Variants in CCDC97 observed in about 807,000 individuals in gnomAD.
The protein encoded by CCDC97 is coiled-coil domain containing 97, also known as coiled-coil domain-containing protein 97.
In CCDC97, 27 loss-of-function variants were observed where a neutral mutation model predicts 33.9. That is an observed-to-expected ratio of 0.80 (90% confidence interval 0.59 to 1.10). CCDC97 has a LOEUF of 1.10. Ranked by LOEUF, CCDC97 falls within the 50% of genes least tolerant of loss-of-function variation. The pLI is 0.00. For synonymous variants in CCDC97, 217 were observed against 194.0 expected (o/e 1.12, Z -0.99); for missense variants, 422 against 476.6 (o/e 0.89, Z 1.07).
chr19:41,311,720 G>A (rs2037687313), intron 1 of CCDC97, among the ~76,000 whole-genome samples: 1 of 151,412 alleles, frequency 6.6e-6, no homozygotes, highest in Non-Finnish European at 1.5e-5. Flanking sequence ...CTGGGTAACA[G>A]AGCAAAACTC....
At chr19:41,315,349 T>TA (rs373119265) in intron 1 of CCDC97, among the ~76,000 whole-genome samples, 16 of 144,818 alleles carry the variant, frequency 1.1e-4, no homozygotes, top group African/African-American at 3.9e-4. Context: ...CACACACCTG[T>TA]AATCCCAGCA....
At chr19:41,319,380 C>A (rs570101732) in intron 2 of CCDC97, among the ~76,000 whole-genome samples, 194 bp from the exon 3 acceptor site, 1 of 151,294 alleles carries the variant, frequency 6.6e-6, no homozygotes, top group Non-Finnish European at 1.5e-5. Flanking sequence ...TTCACACGCA[C>A]GCCTCAGGCG....
intron 1 of CCDC97, among the ~76,000 whole-genome samples, chr19:41,313,356 A>T (rs565889532): frequency 2.6e-5 from 4 of 151,990 alleles, no homozygotes; most frequent in Non-Finnish European, 4.4e-5. Flanking sequence ...CAGCAGTCGG[A>T]CCATTCCCCT....
At chr19:41,318,377 G>A (rs932375334) in intron 2 of CCDC97, among the ~76,000 whole-genome samples, 3 of 152,144 alleles carry the variant, frequency 2.0e-5, no homozygotes, top group Non-Finnish European at 2.9e-5. Flanking sequence ...ACTTGAACCC[G>A]GGAGGCGGAG....
chr19:41,316,117 C>T (rs1370719689), intron 1 of CCDC97, among the ~76,000 whole-genome samples: 1 of 152,090 alleles, frequency 6.6e-6, no homozygotes, highest in African/African-American at 2.4e-5. Flanking sequence ...ATTGCAGCCT[C>T]CTCCACCTCT....
chr19:41,310,858 C>T (rs979161166), intron 1 of CCDC97: 4 of 988,566 alleles, frequency 4.0e-6, no homozygotes, highest in Non-Finnish European at 4.8e-6. Context: ...CGAAATCCAG[C>T]CAGGCTCCTT....
chr19:41,316,895 G>A (rs780295107), intron 2 of CCDC97, 56 bp downstream of exon 2: 15 of 1,336,588 alleles, frequency 1.1e-5, no homozygotes, highest in Admixed American at 2.2e-5. Flanking sequence ...GGGAGACTGA[G>A]GCAGAGGGAA....
chr19:41,314,186 G>A (rs1188199252), intron 1 of CCDC97, among the ~76,000 whole-genome samples: 1 of 146,352 alleles, frequency 6.8e-6, no homozygotes, highest in Admixed American at 6.9e-5. Context: ...TGCTCTTGTT[G>A]CCCAGACTGG....
chr19:41,311,991 G>A (rs1385405843), intron 1 of CCDC97, among the ~76,000 whole-genome samples: 1 of 152,162 alleles, frequency 6.6e-6, no homozygotes, highest in African/African-American at 2.4e-5. Context: ...TCCTGCTCAC[G>A]ACTGTCTGAC....
chr19:41,317,531 T>C (rs949485650), intron 2 of CCDC97, among the ~76,000 whole-genome samples: 3 of 151,980 alleles, frequency 2.0e-5, no homozygotes, highest in South Asian at 2.1e-4. Context: ...AAGACCAGCC[T>C]GGGCAACATG....
chr19:41,315,462 C>A (rs1183141261), intron 1 of CCDC97, among the ~76,000 whole-genome samples: 2 of 151,706 alleles, frequency 1.3e-5, no homozygotes, highest in Non-Finnish European at 2.9e-5. Flanking sequence ...CAAAAATTAA[C>A]CAGGCATTTG....
At chr19:41,321,420 C>T (rs1276077996) in intron 4 of CCDC97, among the ~76,000 whole-genome samples, 1 of 152,226 alleles carries the variant, frequency 6.6e-6, no homozygotes, top group Admixed American at 6.5e-5. Context: ...CAGTGTGTTG[C>T]CTCGGGAGGG....
intron 1 of CCDC97, 138 bp downstream of exon 1, chr19:41,310,494 C>T (rs1481075136): frequency 1.3e-6 from 2 of 1,483,104 alleles, no homozygotes; most frequent in East Asian, 2.5e-5. Context: ...CTCTTCACTA[C>T]TTTGCCCAGA....
intron 2 of CCDC97, 98 bp downstream of exon 2, chr19:41,316,937 G>A (rs1008366316): frequency 1.1e-6 from 1 of 943,836 alleles, no homozygotes; most frequent in African/African-American, 1.7e-5. Context: ...CAGAGACAGA[G>A]ATCCTGGGAG....
In CCDC97 at chr19:41,310,375, G is replaced by T; in HGVS notation, c.46+19G>T. On this transcript the variant is annotated intron_variant, in intron 1 of 4. Transcript: ENST00000269967. ...GATAAGGGTGAGATCTTGGTCACGC[G>T]CAGGCGGCGGGTGGGTGCGGTTGCG... 2.5e-6 allele frequency: 4 copies of T among 1,598,748 alleles called. No homozygotes were observed. The South Asian group carries it at 3.4e-5, about 14-fold the overall frequency.
Position 41,316,553 on chromosome 19 carries a change from C to T in CCDC97, c.216C>T (p.Ala72=), listed in dbSNP as rs777870937. The T allele has an allele frequency of 9.3e-6, 15 of 1,614,120 alleles. No homozygotes were observed. Among genetic ancestry groups the T allele is most frequent in the Middle Eastern group, 3.3e-4 (2 of 6,084 alleles). ...AVSAMLHAVA[A]SRLPVCSQQQ... is the part of the protein sequence containing the mutation. ...GTGCTATGCTGCACGCTGTAGCCGC[C>T]AGCCGCCTGCCTGTTTGCAGCCAGC... The change falls in exon 2 of 5, where the codon GCC becomes GCT. Residue 72 remains alanine (A), a synonymous_variant. Coordinates refer to ENST00000269967, the MANE Select transcript of CCDC97 (RefSeq NM_052848.3).
At chr19:41,320,690 G>C (rs1354302771) in intron 4 of CCDC97, 2 of 539,354 alleles carry the variant, frequency 3.7e-6, no homozygotes, top group African/African-American at 3.8e-5. Flanking sequence ...TCTAAGGCAG[G>C]GGATGGACAG....
In CCDC97 at chr19:41,320,631, G is replaced by A. The variant is rs774779183; in HGVS notation, c.911+161G>A. The A allele has an allele frequency of 1.2e-4, 100 of 839,292 alleles. 1 individual carries two copies. Among genetic ancestry groups the A allele is most frequent in the Non-Finnish European group, 1.6e-4 (88 of 544,366 alleles). 52.0% of individuals were successfully genotyped at this position (839,292 alleles called of 1,614,324 possible). On this transcript the variant is annotated intron_variant, in intron 4 of 4. Coordinates refer to ENST00000269967, the MANE Select transcript of CCDC97 (RefSeq NM_052848.3). ...GTTGAACAGCCAAAGGAAGAGGCTG[G>A]GTGACCTCGGACTAGCCTTGTCCAT... is the stretch of plus-strand genomic sequence containing the variant.
intron 1 of CCDC97, among the ~76,000 whole-genome samples, chr19:41,315,998 A>T (rs1378849206): frequency 6.6e-6 from 1 of 151,182 alleles, no homozygotes; most frequent in Non-Finnish European, 1.5e-5. Flanking sequence ...GGAGGCTGAG[A>T]TGGGAGGATC....
Sources: gnomAD v4.1 joint callset for allele counts (sites outside exome capture counted in the v4.1 genomes callset) on GRCh38, gnomAD v4.1.1 for gene constraint, MANE v1.5 for transcripts, NCBI Gene and HGNC (gene_info 2026-07-23, HGNC 2026-07-21) for gene names.